IGSF6: variants seen among roughly 807,000 people sequenced by gnomAD.
IGSF6 encodes immunoglobulin superfamily member 6.
IGSF6 carries 23 observed loss-of-function variants against 24.7 expected under a neutral mutation model. That is an observed-to-expected ratio of 0.93 (90% CI 0.67 to 1.32). The LOEUF is 1.32. Among genes scored for constraint, IGSF6 ranks in the 40% most tolerant of loss-of-function variants. The pLI is 0.00. For synonymous variants in IGSF6, 110 were observed against 113.7 expected, an observed-to-expected ratio of 0.97 and a Z score of 0.21; for missense variants, 295 against 293.6, an observed-to-expected ratio of 1.00 and a Z score of -0.04.
At chr16:21,643,190 G>T in intron 4 of IGSF6, 36 bp from the exon 5 acceptor site, 1 of 1,486,442 alleles carries the variant, frequency 6.7e-7, no homozygotes. Context: ...ATTCTCTTTT[G>T]GGAATATAAG....
chr16:21,644,803 T>C (rs1966382604), intron 2 of IGSF6, among the ~76,000 whole-genome samples: 1 of 152,220 alleles, frequency 6.6e-6, no homozygotes, highest in African/African-American at 2.4e-5. Flanking sequence ...GATATTTTCA[T>C]ATGTATTTGT....
At chr16:21,647,618 G>A in intron 1 of IGSF6, 126 bp from the exon 2 acceptor site, 4 of 1,247,802 alleles carry the variant, frequency 3.2e-6, no homozygotes, top group Non-Finnish European at 4.3e-6. Context: ...ATATAAATAA[G>A]ACTAAAAATA....
At chr16:21,642,586 A>G (rs1966301247) in intron 5 of IGSF6, among the ~76,000 whole-genome samples, 2 of 152,204 alleles carry the variant, frequency 1.3e-5, no homozygotes, top group African/African-American at 4.8e-5. Flanking sequence ...ATATACATGT[A>G]TTCTTTTCAG....
In IGSF6 at chr16:21,644,370, G is replaced by A. The variant is rs75597368; in HGVS notation, c.454C>T (p.Arg152Trp). The change falls in exon 3 of 6, where the codon CGG (arginine) becomes TGG (tryptophan). Residue 152 changes from arginine to tryptophan, a missense_variant. Physicochemically the swap from Arg to Trp is moderately radical, Grantham distance 101. Transcript: ENST00000268389. ...GATACAAGAGCTGTCAGGAAGCTCCGCAGTTCCTTGCTGAGCAGCTTAATT... is the reference window on the plus strand; with the variant it reads ...GATACAAGAGCTGTCAGGAAGCTCCACAGTTCCTTGCTGAGCAGCTTAATT... ...REIKLLSKEL[R>W]SFLTALVSLL... 144 of 1,613,592 alleles carry A rather than the reference G, an allele frequency of 8.9e-5. 2 individuals are homozygous for A. In the African/African-American group the frequency reaches 1.5e-3, roughly 16 times the overall value.
chr16:21,642,969 C>T, intron 5 of IGSF6, 105 bp downstream of exon 5: 2 of 694,084 alleles, frequency 2.9e-6, no homozygotes, highest in Non-Finnish European at 5.0e-6. Flanking sequence ...CTCTTTCAGA[C>T]TCTTCTGAAG....
At chr16:21,645,820 T>A (rs1400182863) in intron 2 of IGSF6, among the ~76,000 whole-genome samples, 1 of 152,242 alleles carries the variant, frequency 6.6e-6, no homozygotes, top group Non-Finnish European at 1.5e-5. Flanking sequence ...TGTTATTTGC[T>A]ATATGCCAGG....
intron 4 of IGSF6, 130 bp downstream of exon 4, chr16:21,643,418 A>G (rs1220796722): frequency 1.5e-6 from 1 of 646,604 alleles, no homozygotes; most frequent in Admixed American, 3.0e-5. Context: ...TAGTGTCTGC[A>G]GTTGAAAGTT....
intron 1 of IGSF6, 91 bp downstream of exon 1, chr16:21,652,437 AAATT>A (rs1454581959): frequency 1.0e-5 from 10 of 959,308 alleles, no homozygotes; most frequent in Non-Finnish European, 1.6e-5. Flanking sequence ...ATACATTTAA[AAATT>A]AATCTGAAGG....
intron 1 of IGSF6, 78 bp downstream of exon 1, chr16:21,652,452 AGC>A (rs1157555257): frequency 3.7e-6 from 4 of 1,078,930 alleles, no homozygotes; most frequent in Non-Finnish European, 5.5e-6. Context: ...AATCTGAAGG[AGC>A]TTAAAATATA....
intron 5 of IGSF6, chr16:21,642,162 T>A (rs1966288833): frequency 6.6e-6 from 1 of 151,754 alleles, no homozygotes; most frequent in Non-Finnish European, 1.5e-5. Context: ...CATATTTTTT[T>A]AAAAAGAAAA....
At chr16:21,646,137 G>A (rs1966420459) in intron 2 of IGSF6, among the ~76,000 whole-genome samples, 1 of 138,354 alleles carries the variant, frequency 7.2e-6, no homozygotes, top group Non-Finnish European at 1.5e-5. Context: ...ATCATGTAAA[G>A]CTTTTTCTCT....
intron 1 of IGSF6, among the ~76,000 whole-genome samples, chr16:21,647,974 T>G (rs1395389102): frequency 6.6e-6 from 1 of 152,182 alleles, no homozygotes; most frequent in Non-Finnish European, 1.5e-5. Context: ...CAGCGATGTT[T>G]GTGCTTTGTG....
chr16:21,651,409 C>G (rs1463423055), intron 1 of IGSF6, among the ~76,000 whole-genome samples: 1 of 152,120 alleles, frequency 6.6e-6, no homozygotes, highest in African/African-American at 2.4e-5. Flanking sequence ...ATCCTCCTGC[C>G]TCAGCCTCCC....
At chr16:21,643,280 A>T in intron 4 of IGSF6, 126 bp from the exon 5 acceptor site, 1 of 704,786 alleles carries the variant, frequency 1.4e-6, no homozygotes, top group South Asian at 1.6e-5. Flanking sequence ...CCCAACACAT[A>T]TGTGCCTACA....
chr16:21,650,549 A>G (rs1488638160), intron 1 of IGSF6, among the ~76,000 whole-genome samples: 1 of 149,568 alleles, frequency 6.7e-6, no homozygotes, highest in Non-Finnish European at 1.5e-5. Flanking sequence ...GGTGGCGGGG[A>G]TAGCTGACTT....
chr16:21,648,765 G>A (rs1375151280), intron 1 of IGSF6, among the ~76,000 whole-genome samples: 3 of 152,158 alleles, frequency 2.0e-5, no homozygotes, highest in Non-Finnish European at 4.4e-5. Flanking sequence ...TCTGAGTTCC[G>A]CCTGGTCATA....
intron 1 of IGSF6, among the ~76,000 whole-genome samples, chr16:21,648,185 C>T (rs772264471): frequency 1.8e-4 from 28 of 152,212 alleles, no homozygotes; most frequent in Non-Finnish European, 3.4e-4. Flanking sequence ...TTCTCCCTGG[C>T]GTGTGTGCTG....
chr16:21,650,785 C>T (rs1349884752), intron 1 of IGSF6, among the ~76,000 whole-genome samples: 1 of 152,158 alleles, frequency 6.6e-6, no homozygotes, highest in Non-Finnish European at 1.5e-5. Flanking sequence ...TTGGATATGT[C>T]ACACCACAGC....
chr16:21,646,176 T>C (rs1171458433), intron 2 of IGSF6, among the ~76,000 whole-genome samples: 1 of 151,606 alleles, frequency 6.6e-6, no homozygotes, highest in Non-Finnish European at 1.5e-5. Flanking sequence ...TTCTCGGGAA[T>C]GTCTTAATCT....
Sources: allele counts gnomAD v4.1 joint callset (sites outside exome capture counted in the v4.1 genomes callset), GRCh38; gene constraint gnomAD v4.1.1; transcripts MANE v1.5; gene names NCBI Gene and HGNC (gene_info 2026-07-23, HGNC 2026-07-21).